The following COL25A1 variants were observed in gnomAD, a reference collection of about 807,000 sequenced individuals.
COL25A1 encodes collagen alpha-1(XXV) chain.
Under a neutral mutation model 128.4 loss-of-function variants are expected in COL25A1, and 103 were observed. That is an observed-to-expected ratio of 0.80 (90% CI 0.68 to 0.94). The LOEUF (loss-of-function observed/expected upper bound fraction) is 0.94. Among genes scored for constraint, COL25A1 ranks in the 40% least tolerant of loss-of-function variants. The pLI is 0.00. For missense variants in COL25A1, 745 were observed against 840.0 expected, an observed-to-expected ratio of 0.89 and a Z score of 1.40; for synonymous variants, 279 against 277.2, an observed-to-expected ratio of 1.01 and a Z score of -0.06.
intron 19 of COL25A1, 77 bp downstream of exon 19, chr4:108,884,101 T>C (rs1261594931): frequency 1.4e-6 from 2 of 1,403,994 alleles, no homozygotes; most frequent in African/African-American, 2.8e-5. Context: ...GTTTCCATTT[T>C]TCCCTATTTT....
chr4:108,863,241 G>A, intron 21 of COL25A1, 78 bp downstream of exon 21: 1 of 1,365,672 alleles, frequency 7.3e-7, no homozygotes, highest in Non-Finnish European at 1.0e-6. Context: ...TACCTGTTAA[G>A]AATGTTGTTT....
At chr4:109,063,542 A>AT (rs1241684045) in intron 3 of COL25A1, among the ~76,000 whole-genome samples, 3 of 151,222 alleles carry the variant, frequency 2.0e-5, no homozygotes, top group Non-Finnish European at 2.9e-5. Context: ...GTAAGGAAGG[A>AT]TAAAAAAATG....
chr4:109,291,289 G>A (rs1227327628), intron 3 of COL25A1, among the ~76,000 whole-genome samples: 1 of 152,116 alleles, frequency 6.6e-6, no homozygotes, highest in Non-Finnish European at 1.5e-5. Flanking sequence ...CTTTCTATGT[G>A]AAATGTATTG....
At chr4:109,295,333 G>A (rs915804508) in intron 3 of COL25A1, among the ~76,000 whole-genome samples, 4 of 152,016 alleles carry the variant, frequency 2.6e-5, no homozygotes, top group African/African-American at 9.7e-5. Flanking sequence ...CCACACTGTT[G>A]TACTCATTAG....
intron 8 of COL25A1, among the ~76,000 whole-genome samples, chr4:108,951,056 G>A (rs969154151): frequency 6.6e-6 from 1 of 152,182 alleles, no homozygotes; most frequent in Admixed American, 6.5e-5. Flanking sequence ...CCAGTCTGTA[G>A]CACAGTGAAC....
At chr4:108,993,858 C>T in intron 6 of COL25A1, among the ~76,000 whole-genome samples, 1 of 28,094 alleles carries the variant, frequency 3.6e-5, no homozygotes, top group African/African-American at 7.7e-5. Context: ...GAAACTCCAT[C>T]TCAAAAAAAA....
chr4:109,110,806 G>A (rs1007072412), intron 3 of COL25A1, among the ~76,000 whole-genome samples: 11 of 152,116 alleles, frequency 7.2e-5, no homozygotes, highest in Non-Finnish European at 1.6e-4. Flanking sequence ...AAGCCCATCA[G>A]TTCTGGAGAA....
intron 10 of COL25A1, 115 bp downstream of exon 10, chr4:108,940,424 C>A: frequency 1.2e-6 from 1 of 837,594 alleles, no homozygotes; most frequent in Non-Finnish European, 2.1e-6. Flanking sequence ...CCTCAACCCA[C>A]TCCACTCACT....
At chr4:109,013,416 G>T (rs976893261) in intron 5 of COL25A1, among the ~76,000 whole-genome samples, 2 of 88,492 alleles carry the variant, frequency 2.3e-5, no homozygotes, top group African/African-American at 1.4e-4. Flanking sequence ...CAGGATGTGG[G>T]TGGGGCCAGA....
intron 3 of COL25A1, among the ~76,000 whole-genome samples, chr4:109,086,907 T>C (rs1348478070): frequency 6.6e-6 from 1 of 152,124 alleles, no homozygotes; most frequent in Non-Finnish European, 1.5e-5. Context: ...ATAAGTTCAT[T>C]GATAGGACTG....
chr4:109,016,652 A>C (rs1022326123), intron 5 of COL25A1, among the ~76,000 whole-genome samples: 3 of 152,004 alleles, frequency 2.0e-5, no homozygotes, highest in Non-Finnish European at 4.4e-5. Context: ...AGGAGCTACC[A>C]CTCTGGGTCT....
At chr4:108,902,509 T>C (rs1052628084) in intron 13 of COL25A1, among the ~76,000 whole-genome samples, 1 of 152,024 alleles carries the variant, frequency 6.6e-6, no homozygotes, top group Admixed American at 6.6e-5. Flanking sequence ...ATCTTAATTA[T>C]TATTTGGTTT....
At chr4:109,118,383 AC>A (rs111550366) in intron 3 of COL25A1, among the ~76,000 whole-genome samples, 82,854 of 151,572 alleles carry the variant, frequency 0.55, 25,104 homozygotes, top group African/African-American at 0.8. Context: ...AAGATAACAC[AC>A]GTGAGGTGAT....
At chr4:109,148,396 G>T (rs551565107) in intron 3 of COL25A1, among the ~76,000 whole-genome samples, 1 of 152,194 alleles carries the variant, frequency 6.6e-6, no homozygotes, top group East Asian at 1.9e-4. Context: ...AGAATATATT[G>T]CCTGTTCTTA....
intron 13 of COL25A1, among the ~76,000 whole-genome samples, chr4:108,910,569 G>A (rs1366550034): frequency 6.6e-6 from 1 of 152,170 alleles, no homozygotes; most frequent in African/African-American, 2.4e-5. Flanking sequence ...CAAACACTGA[G>A]CGGCAAAGCT....
chr4:109,209,126 T>A (rs1473760682), intron 3 of COL25A1, among the ~76,000 whole-genome samples: 2 of 152,150 alleles, frequency 1.3e-5, no homozygotes, highest in African/African-American at 4.8e-5. Flanking sequence ...ATTAATATTT[T>A]CAAGTAACTT....
At chr4:109,061,481 A>G (rs1480198216) in intron 3 of COL25A1, among the ~76,000 whole-genome samples, 3 of 152,210 alleles carry the variant, frequency 2.0e-5, no homozygotes, top group African/African-American at 4.8e-5. Flanking sequence ...TATTTTGTCT[A>G]TTTAAGGAAT....
At chr4:108,878,674 A>G (rs1455354968) in intron 19 of COL25A1, among the ~76,000 whole-genome samples, 1 of 152,210 alleles carries the variant, frequency 6.6e-6, no homozygotes, top group African/African-American at 2.4e-5. Context: ...TCTTGGTGGC[A>G]CTGATGAAAA....
intron 8 of COL25A1, among the ~76,000 whole-genome samples, chr4:108,943,562 C>T (rs1299976312): frequency 6.6e-6 from 1 of 152,186 alleles, no homozygotes; most frequent in Non-Finnish European, 1.5e-5. Flanking sequence ...TTTATGGTCA[C>T]ACTCTGCAGT....
Sources: allele counts gnomAD v4.1 joint callset (sites outside exome capture counted in the v4.1 genomes callset), GRCh38; gene constraint gnomAD v4.1.1; transcripts MANE v1.5; gene names NCBI Gene and HGNC (gene_info 2026-07-23, HGNC 2026-07-21).